The following RGS6 variants were observed in gnomAD, a reference collection of about 807,000 sequenced individuals.
RGS6 encodes regulator of G-protein signaling 6.
Under a neutral mutation model 78.5 loss-of-function variants are expected in RGS6, and 30 were observed. That is an observed-to-expected ratio of 0.38 (90% CI 0.29 to 0.52). RGS6 has a LOEUF of 0.52. Ranked by LOEUF, RGS6 falls within the 20% of genes least tolerant of loss-of-function variation. The pLI, the probability that RGS6 is intolerant of heterozygous loss-of-function variation, is 0.85. For missense variants in RGS6, 495 were observed against 609.7 expected (o/e 0.81, Z 1.98); for synonymous variants, 206 against 206.0 (o/e 1.00, Z 0.00).
At position 72,232,359 on chromosome 14, in the gene RGS6, G is replaced by T. The variant is rs193024623; in HGVS notation, c.85-119736G>T. ...AAGCAGCAACGGGGTAGAAAGAGGA[G>T]CATTAGCTGCATGCAGGCAGGTGCT... On this transcript the variant is annotated intron_variant, in intron 2 of 17. Transcript: ENST00000553525. Among the ~76,000 whole-genome samples, 34 of 152,338 alleles carry T rather than the reference G, an allele frequency of 2.2e-4. 1 individual carries two copies. The East Asian group carries it at 6.4e-3, about 29-fold the overall frequency.
At chr14:72,545,270 G>A (rs2097377707) in intron 17 of RGS6, among the ~76,000 whole-genome samples, 1 of 152,216 alleles carries the variant, frequency 6.6e-6, no homozygotes, top group Admixed American at 6.5e-5. Context: ...GTGAAACCCT[G>A]GCCCTGGCTG....
At chr14:72,228,636 G>A (rs898429335) in intron 2 of RGS6, among the ~76,000 whole-genome samples, 5 of 152,222 alleles carry the variant, frequency 3.3e-5, no homozygotes, top group African/African-American at 1.2e-4. Flanking sequence ...AACATTGAAT[G>A]TAGCAATAGT....
At chr14:72,548,326 T>C (rs2097438849) in intron 17 of RGS6, among the ~76,000 whole-genome samples, 1 of 135,262 alleles carries the variant, frequency 7.4e-6, no homozygotes, top group South Asian at 2.5e-4. Flanking sequence ...CCAGATCATA[T>C]TTGTGTGTGT....
chr14:71,913,392 C>T, the RGS6 span, among the ~76,000 whole-genome samples: 9,892 of 152,272 alleles, frequency 0.065, 456 homozygotes, highest in Non-Finnish European at 0.099. Context: ...CCCCAGTCTG[C>T]GGATTGTTTC....
intron 2 of RGS6, among the ~76,000 whole-genome samples, chr14:72,171,309 T>A (rs2097014339): frequency 6.6e-6 from 1 of 151,948 alleles, no homozygotes; most frequent in Non-Finnish European, 1.5e-5. Flanking sequence ...TTTCAGCCAG[T>A]CATTATAGAG....
chr14:72,309,914 A>G (rs2068133517), intron 2 of RGS6, among the ~76,000 whole-genome samples: 1 of 152,176 alleles, frequency 6.6e-6, no homozygotes, highest in Admixed American at 6.5e-5. Context: ...AGTTTGTCCC[A>G]ATCTTTATTT....
the RGS6 span, among the ~76,000 whole-genome samples, chr14:72,599,393 C>CTTTTGTTTT: frequency 3.2e-4 from 25 of 78,226 alleles, 2 homozygotes; most frequent in African/African-American, 1.2e-3. Flanking sequence ...CTTTTCTTTC[C>CTTTTGTTTT]TTTTTTTTTT....
At chr14:72,493,614 T>C (rs1414380154) in intron 12 of RGS6, among the ~76,000 whole-genome samples, 2 of 152,126 alleles carry the variant, frequency 1.3e-5, no homozygotes, top group African/African-American at 4.8e-5. Flanking sequence ...GTGCCCAGCA[T>C]AGTAAATAAC....
chr14:72,573,651 GC>G, the RGS6 span, among the ~76,000 whole-genome samples: 1 of 152,142 alleles, frequency 6.6e-6, no homozygotes, highest in African/African-American at 2.4e-5. Context: ...AACCAAAGAT[GC>G]CCACTTCTAT....
intron 2 of RGS6, among the ~76,000 whole-genome samples, chr14:72,213,574 G>A (rs1205232728): frequency 1.3e-5 from 2 of 152,176 alleles, no homozygotes; most frequent in East Asian, 3.9e-4. Context: ...CTGAAGCTAA[G>A]CAAGTGTTGG....
At chr14:72,105,143 T>C (rs1332803359) in intron 2 of RGS6, among the ~76,000 whole-genome samples, 7 of 152,140 alleles carry the variant, frequency 4.6e-5, no homozygotes, top group East Asian at 1.9e-4. Flanking sequence ...GCCAGTAATA[T>C]AGGGAGGGAA....
intron 3 of RGS6, among the ~76,000 whole-genome samples, chr14:72,418,462 C>T (rs553554450): frequency 2.6e-5 from 4 of 152,192 alleles, no homozygotes; most frequent in South Asian, 2.1e-4. Context: ...CCACCGCGCC[C>T]GGCCCGCTTC....
At chr14:72,036,117 C>G (rs900895032) in intron 2 of RGS6, among the ~76,000 whole-genome samples, 2 of 151,946 alleles carry the variant, frequency 1.3e-5, no homozygotes, top group African/African-American at 4.8e-5. Flanking sequence ...TAAATGAAAT[C>G]CTACCGTATA....
At chr14:71,902,952 C>A in the RGS6 span, among the ~76,000 whole-genome samples, 2 of 152,210 alleles carry the variant, frequency 1.3e-5, no homozygotes, top group African/African-American at 2.4e-5. Context: ...GGGATCAAAT[C>A]TTTACTCTTT....
At chr14:72,014,016 A>G (rs1361669130) in intron 2 of RGS6, among the ~76,000 whole-genome samples, 1 of 152,220 alleles carries the variant, frequency 6.6e-6, no homozygotes, top group Non-Finnish European at 1.5e-5. Flanking sequence ...TGTTTGATTA[A>G]TAAGTTTCCC....
chr14:72,384,601 G>A (rs1219591292), intron 3 of RGS6, among the ~76,000 whole-genome samples: 2 of 152,160 alleles, frequency 1.3e-5, no homozygotes, highest in Admixed American at 1.3e-4. Flanking sequence ...TGTTCTGAGT[G>A]TCAAATCCAT....
At chr14:72,112,764 C>G (rs1360111440) in intron 2 of RGS6, among the ~76,000 whole-genome samples, 2 of 152,178 alleles carry the variant, frequency 1.3e-5, no homozygotes, top group Non-Finnish European at 2.9e-5. Flanking sequence ...AGCTCCAAGT[C>G]TAACCCAGAT....
intron 2 of RGS6, among the ~76,000 whole-genome samples, chr14:72,297,203 G>A (rs1291786945): frequency 6.6e-6 from 1 of 152,030 alleles, no homozygotes; most frequent in East Asian, 1.9e-4. Flanking sequence ...AAATTAGATA[G>A]AGTAAGTCCT....
chr14:72,530,990 A>AC (rs5809579), intron 15 of RGS6, among the ~76,000 whole-genome samples: 10 of 152,158 alleles, frequency 6.6e-5, no homozygotes, highest in Non-Finnish European at 1.3e-4. Context: ...CATCTGTAAA[A>AC]ATAAACACAT....
Sources: gnomAD v4.1 joint callset for allele counts (sites outside exome capture counted in the v4.1 genomes callset) on GRCh38, gnomAD v4.1.1 for gene constraint, MANE v1.5 for transcripts, NCBI Gene and HGNC (gene_info 2026-07-23, HGNC 2026-07-21) for gene names.